The following PRKCE variants were observed in gnomAD, a reference collection of about 807,000 sequenced individuals.
The protein encoded by PRKCE is protein kinase C epsilon.
Under a neutral mutation model 85.4 loss-of-function variants are expected in PRKCE, and 16 were observed. The ratio of observed to expected loss-of-function variants is 0.19; its 90% CI spans 0.13 to 0.28. PRKCE has a LOEUF of 0.28. Among genes scored for constraint, PRKCE ranks in the 10% least tolerant of loss-of-function variants. The pLI, the probability that PRKCE is intolerant of heterozygous loss-of-function variation, is 1.00. For missense variants in PRKCE, 573 were observed against 975.2 expected, an observed-to-expected ratio of 0.59 and a Z score of 5.49; for synonymous variants, 388 against 371.5, an observed-to-expected ratio of 1.04 and a Z score of -0.51.
intron 1 of PRKCE, among the ~76,000 whole-genome samples, chr2:45,814,827 G>T (rs1335043206): frequency 6.6e-6 from 1 of 152,196 alleles, no homozygotes; most frequent in Non-Finnish European, 1.5e-5. Context: ...AGTTTTCATA[G>T]CACCTTAGCC....
At chr2:46,151,492 G>T (rs562969535) in intron 13 of PRKCE, among the ~76,000 whole-genome samples, 2 of 152,168 alleles carry the variant, frequency 1.3e-5, no homozygotes, top group Non-Finnish European at 2.9e-5. Context: ...GAAGAGGAGC[G>T]CATGTCTGTG....
chr2:45,998,801 C>G (rs941166677), intron 6 of PRKCE, among the ~76,000 whole-genome samples: 1 of 152,024 alleles, frequency 6.6e-6, no homozygotes. Flanking sequence ...TTAATATGTT[C>G]GTATTGTTTC....
chr2:45,808,130 G>T (rs1404258339), intron 1 of PRKCE, among the ~76,000 whole-genome samples: 3 of 151,980 alleles, frequency 2.0e-5, no homozygotes, highest in Non-Finnish European at 4.4e-5. Flanking sequence ...GCCTCACACT[G>T]CCACTTTTAT....
intron 3 of PRKCE, 150 bp from the exon 4 acceptor site, chr2:45,978,826 C>T (rs1261274204): frequency 4.6e-6 from 3 of 654,950 alleles, no homozygotes; most frequent in Non-Finnish European, 7.8e-6. Context: ...ATTTAAGGCA[C>T]CTTGCAAGTG....
intron 1 of PRKCE, among the ~76,000 whole-genome samples, chr2:45,714,281 G>A (rs1679909213): frequency 6.6e-6 from 1 of 152,204 alleles, no homozygotes; most frequent in African/African-American, 2.4e-5. Flanking sequence ...ATCAAGGTGA[G>A]GGGAGATGGC....
intron 1 of PRKCE, among the ~76,000 whole-genome samples, chr2:45,836,790 C>A (rs140412801): frequency 1.4e-4 from 21 of 152,348 alleles, no homozygotes; most frequent in African/African-American, 4.6e-4. Context: ...TATCTAGGAC[C>A]TTACTGGTGG....
At chr2:46,118,897 G>A (rs1023434852) in intron 11 of PRKCE, among the ~76,000 whole-genome samples, 1 of 152,140 alleles carries the variant, frequency 6.6e-6, no homozygotes, top group East Asian at 1.9e-4. Flanking sequence ...AGTCTCATTC[G>A]AACAACCTGA....
At chr2:45,764,630 A>C (rs981351299) in intron 1 of PRKCE, among the ~76,000 whole-genome samples, 1 of 152,150 alleles carries the variant, frequency 6.6e-6, no homozygotes, top group Admixed American at 6.5e-5. Flanking sequence ...CAGCTTCCCA[A>C]ATTTCTTTTC....
At chr2:45,750,815 T>C (rs1347004286) in intron 1 of PRKCE, among the ~76,000 whole-genome samples, 3 of 152,104 alleles carry the variant, frequency 2.0e-5, no homozygotes, top group African/African-American at 7.2e-5. Flanking sequence ...GGTAAGTGTG[T>C]GGTGGCATGA....
rs1045837912 is a variant in PRKCE at position 46,145,300 on chromosome 2, A to C, written c.1731+69A>C. On this transcript the variant is annotated intron_variant, in intron 12 of 14. Coordinates refer to ENST00000306156, the MANE Select transcript of PRKCE (RefSeq NM_005400.3). The surrounding 1 kb of genome is among the most constrained non-coding windows in gnomAD (Gnocchi z 4.6). ...CCGAGGCAGGGGTCCAAACCCATGC[A>C]CTGGGGTCATCTAGTGGTGCTGGGG... is the stretch of plus-strand genomic sequence containing the variant. 6.4e-7 allele frequency: 1 copy of C among 1,565,182 alleles called. No homozygotes were observed. The highest frequency in any genetic ancestry group is 1.3e-5 in the African/African-American group (1 of 74,162).
At chr2:45,885,002 T>TATATATTTTTTTG (rs1553440407) in intron 2 of PRKCE, among the ~76,000 whole-genome samples, 2 of 97,640 alleles carry the variant, frequency 2.0e-5, no homozygotes, top group Non-Finnish European at 4.2e-5. Context: ...TATATATATA[T>TATATATTTTTTTG]TTGTTGTTGT....
chr2:46,050,638 C>A (rs1708796265), intron 10 of PRKCE, among the ~76,000 whole-genome samples: 1 of 152,204 alleles, frequency 6.6e-6, no homozygotes, highest in Non-Finnish European at 1.5e-5. Context: ...TCCCAGCCAG[C>A]ACTGGCCCCT....
intron 11 of PRKCE, among the ~76,000 whole-genome samples, chr2:46,099,522 C>A (rs1189195621): frequency 1.3e-5 from 2 of 149,458 alleles, no homozygotes; most frequent in African/African-American, 5.0e-5. Flanking sequence ...TTTACGCTAA[C>A]TTTTCATCCT....
Position 46,068,516 on chromosome 2 carries a change from TGAA to T in PRKCE, c.1438-17687_1438-17685del, listed in dbSNP as rs925129231. Among the ~76,000 whole-genome samples, 6 of 152,192 alleles carry T rather than the reference TGAA, an allele frequency of 3.9e-5. No individual in the cohort carries two copies. The highest frequency in any genetic ancestry group is 6.5e-5 in the Admixed American group (1 of 15,276). On this transcript the variant is annotated intron_variant, in intron 10 of 14. Transcript: ENST00000306156. The surrounding 1 kb of genome is among the most constrained non-coding windows in gnomAD (Gnocchi z 4.3). Reference sequence around the variant, plus strand: ...CTCATGAGGACTGAGAAAGACCAGTTGAAGAAGGGTAGAAAAATAATACCAACT... The same window carrying T: ...CTCATGAGGACTGAGAAAGACCAGTTGAAGGGTAGAAAAATAATACCAACT...
chr2:45,805,007 C>T (rs573727918), intron 1 of PRKCE, among the ~76,000 whole-genome samples: 60 of 132,696 alleles, frequency 4.5e-4, no homozygotes, highest in Non-Finnish European at 1.3e-4. Context: ...GATGACTGTT[C>T]TAGAAAACCT....
chr2:45,933,464 CTTTTTTTT>C (rs59991455), intron 2 of PRKCE, among the ~76,000 whole-genome samples: 1,479 of 65,204 alleles, frequency 0.023, 17 homozygotes, highest in African/African-American at 0.086. Context: ...CATATGCCTG[CTTTTTTTT>C]TTTTTTTTTT....
At chr2:45,979,758 C>T (rs1702735875) in intron 4 of PRKCE, among the ~76,000 whole-genome samples, 1 of 152,130 alleles carries the variant, frequency 6.6e-6, no homozygotes, top group South Asian at 2.1e-4. Context: ...GCCCACATTG[C>T]TCCATGACAC....
At chr2:45,945,949 T>A (rs1700216405) in intron 2 of PRKCE, among the ~76,000 whole-genome samples, 1 of 152,222 alleles carries the variant, frequency 6.6e-6, no homozygotes, top group Non-Finnish European at 1.5e-5. Context: ...CATGGTTGAA[T>A]GGTAGTGATG....
intron 2 of PRKCE, among the ~76,000 whole-genome samples, chr2:45,866,958 T>C (rs1178310254): frequency 1.3e-5 from 2 of 152,202 alleles, no homozygotes; most frequent in Non-Finnish European, 2.9e-5. Context: ...CATATGTCTT[T>C]AACTTTTACC....
Sources: gnomAD v4.1 joint callset for allele counts (sites outside exome capture counted in the v4.1 genomes callset) on GRCh38, gnomAD v4.1.1 for gene constraint, Gnocchi (gnomAD v3.1) non-coding constraint, MANE v1.5 for transcripts, NCBI Gene and HGNC (gene_info 2026-07-23, HGNC 2026-07-21) for gene names.